RGS6: variants seen among roughly 807,000 people sequenced by gnomAD.
The protein encoded by RGS6 is regulator of G-protein signaling 6.
Under a neutral mutation model 78.5 loss-of-function variants are expected in RGS6, and 30 were observed. The ratio of observed to expected loss-of-function variants is 0.38; its 90% CI spans 0.29 to 0.52. The LOEUF is 0.52. Ranked by LOEUF, RGS6 falls within the 20% of genes least tolerant of loss-of-function variation. RGS6 has a pLI of 0.85. For missense variants in RGS6, 495 were observed against 609.7 expected (o/e 0.81, Z 1.98); for synonymous variants, 206 against 206.0 (o/e 1.00, Z 0.00).
At chr14:72,127,528 TA>T (rs537975543) in intron 2 of RGS6, among the ~76,000 whole-genome samples, 318 of 152,272 alleles carry the variant, frequency 2.1e-3, no homozygotes, top group African/African-American at 6.8e-3. Flanking sequence ...GTTACTGATT[TA>T]AAAATGTAAA....
At chr14:72,501,967 A>T (rs1298404347) in intron 13 of RGS6, among the ~76,000 whole-genome samples, 1 of 152,172 alleles carries the variant, frequency 6.6e-6, no homozygotes, top group Non-Finnish European at 1.5e-5. Context: ...CTCCTTTCTT[A>T]TGGTGGTGGA....
chr14:72,095,113 C>T (rs183008678), intron 2 of RGS6, among the ~76,000 whole-genome samples: 10 of 152,106 alleles, frequency 6.6e-5, no homozygotes, highest in South Asian at 4.2e-4. Flanking sequence ...AATGTACCTC[C>T]GCATCAGCCA....
At chr14:72,123,580 G>A (rs2096112412) in intron 2 of RGS6, among the ~76,000 whole-genome samples, 1 of 152,190 alleles carries the variant, frequency 6.6e-6, no homozygotes, top group Admixed American at 6.5e-5. Context: ...GAAACCTGGT[G>A]TGGCAGAAAT....
chr14:72,403,347 C>A (rs1289652898), intron 3 of RGS6, among the ~76,000 whole-genome samples: 5 of 152,124 alleles, frequency 3.3e-5, no homozygotes, highest in African/African-American at 1.2e-4. Flanking sequence ...GTAACCCAGG[C>A]ACAGAAAGAC....
chr14:71,878,354 G>A, the RGS6 span, among the ~76,000 whole-genome samples: 1 of 152,290 alleles, frequency 6.6e-6, no homozygotes, highest in Non-Finnish European at 1.5e-5. Flanking sequence ...TGGCCACTTT[G>A]TTTACCCACT....
chr14:72,221,093 T>C (rs948918803), intron 2 of RGS6, among the ~76,000 whole-genome samples: 11 of 152,208 alleles, frequency 7.2e-5, no homozygotes, highest in African/African-American at 2.4e-4. Context: ...TTATTACCTC[T>C]ACTTATCTAT....
intron 1 of RGS6, among the ~76,000 whole-genome samples, chr14:71,953,034 A>C (rs1282924868): frequency 6.6e-6 from 1 of 152,192 alleles, no homozygotes; most frequent in African/African-American, 2.4e-5. Context: ...ATGCGAAATA[A>C]GAGAATAATA....
At chr14:72,425,550 C>T (rs962593265) in intron 3 of RGS6, among the ~76,000 whole-genome samples, 3 of 152,108 alleles carry the variant, frequency 2.0e-5, no homozygotes, top group Non-Finnish European at 2.9e-5. Flanking sequence ...GAATAAATAC[C>T]GATGGCCAAT....
At chr14:71,948,325 G>C (rs1215677152) in intron 1 of RGS6, among the ~76,000 whole-genome samples, 2 of 152,118 alleles carry the variant, frequency 1.3e-5, no homozygotes, top group Admixed American at 1.3e-4. Context: ...CTGATAATGA[G>C]GCATACTCTG....
At chr14:72,386,913 G>GCAC (rs939187176) in intron 3 of RGS6, among the ~76,000 whole-genome samples, 9 of 152,264 alleles carry the variant, frequency 5.9e-5, no homozygotes, top group African/African-American at 1.9e-4. Flanking sequence ...GCTGGGGGTA[G>GCAC]CAGTGGGTAG....
intron 2 of RGS6, among the ~76,000 whole-genome samples, chr14:72,253,645 T>C (rs1393785524): frequency 6.6e-6 from 1 of 152,162 alleles, no homozygotes; most frequent in African/African-American, 2.4e-5. Flanking sequence ...CTCCTTGAAG[T>C]TGGATGTGGC....
rs550815869 is a variant in RGS6 at position 72,563,081 on chromosome 14, C to T, written c.*614C>T. 1.0e-4 allele frequency: 40 copies of T among 397,964 alleles called. 1 individual carries two copies. In the South Asian group the frequency reaches 1.0e-3, roughly 10 times the overall value. The allele number at this position is 397,964 out of a possible 1,614,324, so 24.7% of individuals were successfully genotyped here. On this transcript the variant is annotated 3_prime_UTR_variant, in exon 18 of 18. Transcript: ENST00000553525. Reference sequence around the variant, plus strand: ...AGCAACCTCACGGATTGCCCCGCCTCAAGGTCTTTCCACCCTCTTTGAGAT... The same window carrying T: ...AGCAACCTCACGGATTGCCCCGCCTTAAGGTCTTTCCACCCTCTTTGAGAT...
chr14:72,182,459 T>C (rs577246820), intron 2 of RGS6, among the ~76,000 whole-genome samples: 52 of 142,600 alleles, frequency 3.6e-4, no homozygotes, highest in African/African-American at 1.4e-3. Flanking sequence ...TAAGAAAGAA[T>C]AGCTTATATT....
chr14:72,302,083 C>G (rs756789725), intron 2 of RGS6, among the ~76,000 whole-genome samples: 7 of 152,118 alleles, frequency 4.6e-5, no homozygotes, highest in Non-Finnish European at 8.8e-5. Flanking sequence ...TCTGTGTGAC[C>G]TGGAATAAAT....
intron 2 of RGS6, among the ~76,000 whole-genome samples, chr14:72,249,419 A>T (rs908410304): frequency 6.6e-6 from 1 of 152,206 alleles, no homozygotes; most frequent in African/African-American, 2.4e-5. Context: ...ATGTAAATTT[A>T]TGTTACAAAA....
chr14:72,327,609 T>C (rs2074094755), intron 2 of RGS6, among the ~76,000 whole-genome samples: 1 of 152,222 alleles, frequency 6.6e-6, no homozygotes, highest in Non-Finnish European at 1.5e-5. Flanking sequence ...GTGATGCTTT[T>C]TATTCAGAGC....
At chr14:72,623,894 C>T in the RGS6 span, among the ~76,000 whole-genome samples, 1 of 152,004 alleles carries the variant, frequency 6.6e-6, no homozygotes, top group Non-Finnish European at 1.5e-5. Flanking sequence ...AGGTCTGGAG[C>T]ATAAAATGTA....
intron 2 of RGS6, among the ~76,000 whole-genome samples, chr14:72,237,816 G>A (rs756325378): frequency 2.0e-5 from 3 of 152,136 alleles, no homozygotes; most frequent in African/African-American, 4.8e-5. Flanking sequence ...ACTGGTCAAC[G>A]GCAGCATCCA....
chr14:72,036,826 A>G (rs1401201309), intron 2 of RGS6, among the ~76,000 whole-genome samples: 2 of 152,088 alleles, frequency 1.3e-5, no homozygotes, highest in African/African-American at 4.8e-5. Flanking sequence ...TTTAATTATG[A>G]TGGTGTGATT....
Sources: gnomAD v4.1 joint callset for allele counts (sites outside exome capture counted in the v4.1 genomes callset) on GRCh38, gnomAD v4.1.1 for gene constraint, MANE v1.5 for transcripts, NCBI Gene and HGNC (gene_info 2026-07-23, HGNC 2026-07-21) for gene names.